Variants in FER1L5 observed in about 807,000 individuals in gnomAD.
FER1L5 encodes fer-1 like family member 5.
FER1L5 carries 187 observed loss-of-function variants against 279.9 expected under a neutral mutation model. That is an observed-to-expected ratio of 0.67 (90% CI 0.59 to 0.75). The LOEUF is 0.75. Ranked by LOEUF, FER1L5 falls within the 30% of genes least tolerant of loss-of-function variation. The pLI, the probability that FER1L5 is intolerant of heterozygous loss-of-function variation, is 0.00. For synonymous variants in FER1L5, 921 were observed against 989.7 expected, an observed-to-expected ratio of 0.93 and a Z score of 1.30; for missense variants, 2,091 against 2,594.4, an observed-to-expected ratio of 0.81 and a Z score of 4.21.
chr2:96,675,422 A>T (rs1032757031), intron 19 of FER1L5, among the ~76,000 whole-genome samples: 9 of 152,094 alleles, frequency 5.9e-5, no homozygotes, highest in Non-Finnish European at 1.0e-4. Flanking sequence ...TTTTAAAAAA[A>T]TAATTAATTA....
In FER1L5 at chr2:96,680,461, A is replaced by T. The variant is rs77561064; in HGVS notation, c.1670-3866A>T. ...TCTCATTCTGTCCTTCATATTTTTA[A>T]ATCTCTTCCATATTTTTCATCTTGT... On this transcript the variant is annotated intron_variant, in intron 19 of 52. Transcript: ENST00000624922. Among the ~76,000 whole-genome samples, 279 of 151,050 alleles carry T rather than the reference A, an allele frequency of 1.8e-3. 8 individuals carry two copies. In the East Asian group the frequency reaches 0.049, roughly 27 times the overall value.
At chr2:96,659,569 G>T (rs974985810) in intron 9 of FER1L5, among the ~76,000 whole-genome samples, 1 of 148,232 alleles carries the variant, frequency 6.7e-6, no homozygotes, top group Non-Finnish European at 1.5e-5. Flanking sequence ...TCGGCTCATT[G>T]CAAGTTCCGC....
chr2:96,679,801 T>G (rs1409562872), intron 19 of FER1L5, among the ~76,000 whole-genome samples: 1 of 152,222 alleles, frequency 6.6e-6, no homozygotes, highest in East Asian at 1.9e-4. Flanking sequence ...TCCATTTCAT[T>G]TCGGTTACTT....
rs1367662321 is a variant in FER1L5, at chr2:96,685,532, G to A, written c.1895+103G>A. 19 of 981,572 alleles carry A rather than the reference G, an allele frequency of 1.9e-5. No homozygotes were observed. In the East Asian group the frequency reaches 2.7e-4, roughly 14 times the overall value. 60.8% of individuals were successfully genotyped at this position (981,572 alleles called of 1,614,324 possible). A position where few individuals can be genotyped will look rare whatever the true frequency, so the allele number is the denominator to read the frequency against. On this transcript the variant is annotated intron_variant, in intron 21 of 52. Coordinates refer to ENST00000624922, the MANE Select transcript of FER1L5 (RefSeq NM_001293083.2). ...CTGAACACCTCCCCCCGCCCTCCTC[G>A]GGGAGGAGCACTGCTCAGACCTCTC...
intron 23 of FER1L5, 152 bp from the exon 24 acceptor site, chr2:96,687,664 G>A: frequency 1.6e-6 from 2 of 1,221,028 alleles, no homozygotes; most frequent in Admixed American, 2.5e-5. Flanking sequence ...AGAACTCCAT[G>A]CCATTCACTT....
At chr2:96,693,439 C>G in intron 31 of FER1L5, 67 bp from the exon 32 acceptor site, 1 of 1,449,066 alleles carries the variant, frequency 6.9e-7, no homozygotes, top group African/African-American at 1.4e-5. Context: ...GTGGCTGCAG[C>G]AGCAGAGGAG....
chr2:96,662,537 A>G (rs1303871737), intron 13 of FER1L5, among the ~76,000 whole-genome samples: 1 of 152,210 alleles, frequency 6.6e-6, no homozygotes, highest in Non-Finnish European at 1.5e-5. Flanking sequence ...AACTGTCGCC[A>G]CCCCTCAGTT....
chr2:96,659,473 CTTTCTTTCTTTCTTTCTTTCTTTCT>C (rs2075845780), intron 9 of FER1L5, among the ~76,000 whole-genome samples: 1 of 27,668 alleles, frequency 3.6e-5, no homozygotes, highest in Non-Finnish European at 5.5e-5. Context: ...TTCTTTCTTT[CTTTCTTTCTTTCTTTCTTTCTTTCT>C]TTCTTTCTTT....
At chr2:96,646,707 T>C (rs903845450) in intron 2 of FER1L5, among the ~76,000 whole-genome samples, 1 of 152,138 alleles carries the variant, frequency 6.6e-6, no homozygotes, top group African/African-American at 2.4e-5. Flanking sequence ...CTATCAACCA[T>C]CCAGCTGGGC....
Position 96,647,059 on chromosome 2 carries a change from C to T in FER1L5, c.139-5C>T. 10 of 1,551,562 alleles carry T rather than the reference C, an allele frequency of 6.4e-6. No homozygotes were observed. Among genetic ancestry groups the T allele is most frequent in the Non-Finnish European group, 8.7e-6 (10 of 1,146,934 alleles). ...AGGATGCTGACCTCTCTATGCCCCC[C>T]ACAGACCCTAATCTGGCACCTCTGG... On this transcript the variant is annotated splice_polypyrimidine_tract_variant and splice_region_variant and intron_variant, in intron 2 of 52. Coordinates refer to ENST00000624922, the MANE Select transcript of FER1L5 (RefSeq NM_001293083.2).
intron 9 of FER1L5, among the ~76,000 whole-genome samples, chr2:96,659,033 C>A (rs1036802096): frequency 1.3e-5 from 2 of 151,986 alleles, no homozygotes; most frequent in Non-Finnish European, 2.9e-5. Flanking sequence ...GCAAGCTCCA[C>A]CCCCTGGGTT....
At chr2:96,643,007 A>G (rs1406124143) in intron 1 of FER1L5, 86 bp downstream of exon 1, 2 of 1,176,992 alleles carry the variant, frequency 1.7e-6, no homozygotes, top group East Asian at 5.5e-5. Context: ...ATGGCACCCC[A>G]CTACATAAAA....
chr2:96,649,643 G>A lies in FER1L5; in HGVS notation c.360G>A (p.Val120=), dbSNP rs1231934083. The change falls in exon 5 of 53, where the codon GTG becomes GTA. Residue 120 remains valine (V), a synonymous_variant. Coordinates refer to ENST00000624922, the MANE Select transcript of FER1L5 (RefSeq NM_001293083.2). ...TGCAGTGTACTGTCACCCTACAGGT[G>A]GCCCACATGAGCAACCAGGATATTG... ...KPTDCTVTLQ[V]AHMSNQDIEK... is the part of the protein sequence containing the mutation. 1 of 1,551,510 alleles carries A rather than the reference G, an allele frequency of 6.4e-7. No homozygotes were observed. Among genetic ancestry groups the A allele is most frequent in the Admixed American group, 2.0e-5 (1 of 50,994 alleles).
chr2:96,700,562 G>T (rs1439353802), intron 45 of FER1L5, 91 bp downstream of exon 45: 2 of 1,562,872 alleles, frequency 1.3e-6, no homozygotes, highest in African/African-American at 2.7e-5. Flanking sequence ...TAGTCCACGA[G>T]AGGAGAAGGA....
rs760701108 is a variant in FER1L5, at chr2:96,652,006, C to A, written c.619C>A (p.Pro207Thr). Residue 207 changes from proline (P) to threonine (T), a missense_variant, in exon 7 of 53, where the codon CCT becomes ACT. Transcript: ENST00000624922. ...GACACGCATCAAGATGGGAAACAAC[C>A]CTTTCTTTAATGAGGTGGGCTGAAC... Reference protein sequence around the residue: ...HQTRIKMGNNPFFNEIFFQNF... With the variant: ...HQTRIKMGNNTFFNEIFFQNF... 6.4e-7 allele frequency: 1 copy of A among 1,551,774 alleles called. No individual in the cohort carries two copies. The highest frequency in any genetic ancestry group is 1.2e-5 in the South Asian group (1 of 84,064).
intron 23 of FER1L5, among the ~76,000 whole-genome samples, chr2:96,686,607 C>T (rs2076934252): frequency 6.6e-6 from 1 of 152,126 alleles, no homozygotes; most frequent in Non-Finnish European, 1.5e-5. Flanking sequence ...GTAATCCCAG[C>T]ACTTTGGGAG....
intron 12 of FER1L5, 109 bp downstream of exon 12, chr2:96,661,900 G>A: frequency 6.3e-6 from 9 of 1,437,842 alleles, no homozygotes; most frequent in Non-Finnish European, 8.4e-6. Flanking sequence ...CTACTGTTTG[G>A]GGTAGGGGGG....
At chr2:96,659,343 TTCCTTCCTTCCTTCC>T (rs2075765794) in intron 9 of FER1L5, among the ~76,000 whole-genome samples, 1 of 87,658 alleles carries the variant, frequency 1.1e-5, no homozygotes, top group Non-Finnish European at 2.2e-5. Flanking sequence ...CCTTCCTTCC[TTCCTTCCTTCCTTCC>T]TTCCTTCTTT....
chr2:96,673,903 G>T (rs564205826), intron 19 of FER1L5, among the ~76,000 whole-genome samples: 3 of 152,290 alleles, frequency 2.0e-5, no homozygotes, highest in Admixed American at 1.3e-4. Context: ...GAGTACCACT[G>T]CTGCAGAGCA....
Sources: allele counts gnomAD v4.1 joint callset (sites outside exome capture counted in the v4.1 genomes callset), GRCh38; gene constraint gnomAD v4.1.1; transcripts MANE v1.5; gene names NCBI Gene and HGNC (gene_info 2026-07-23, HGNC 2026-07-21).